The following IGF2BP2 variants were observed in gnomAD, a reference collection of about 807,000 sequenced individuals.
IGF2BP2 encodes the protein insulin like growth factor 2 mRNA binding protein 2.
In IGF2BP2, 17 loss-of-function variants were observed where a neutral mutation model predicts 75.8. That is an observed-to-expected ratio of 0.22 (90% CI 0.15 to 0.34). The LOEUF (loss-of-function observed/expected upper bound fraction) is 0.34. Ranked by LOEUF, IGF2BP2 falls within the 10% of genes least tolerant of loss-of-function variation. The probability of loss-of-function intolerance (pLI) is 1.00; values close to 1 mark genes in which losing one functional copy is unlikely to be tolerated. For missense variants in IGF2BP2, 516 were observed against 772.4 expected (o/e 0.67, Z 3.93); for synonymous variants, 288 against 295.6 (o/e 0.97, Z 0.26).
rs1228337044 is a variant in IGF2BP2 at position 185,665,491 on chromosome 3, A to AAGGAGGAGGAGGAGGAGAAGG, written c.1200+7049_1200+7050insCCTTCTCCTCCTCCTCCTCCT. On this transcript the variant is annotated intron_variant, in intron 10 of 15. Coordinates refer to ENST00000382199, the MANE Select transcript of IGF2BP2 (RefSeq NM_006548.6). The stretch of plus-strand genomic sequence containing the variant: ...GAAGAAGAAGGAGAAGAAGGAGGAG[A>AAGGAGGAGGAGGAGGAGAAGG]AGGAGGAGGAGAAGGAGGAGGAGGA... Among the ~76,000 whole-genome samples the AAGGAGGAGGAGGAGGAGAAGG allele has an allele frequency of 1.4e-3, 52 of 37,720 alleles. 9 individuals are homozygous for AAGGAGGAGGAGGAGGAGAAGG. Among genetic ancestry groups the AAGGAGGAGGAGGAGGAGAAGG allele is most frequent in the African/African-American group, 6.0e-3 (49 of 8,146 alleles). 24.7% of individuals were successfully genotyped at this position (37,720 alleles called of 152,430 possible).
intron 2 of IGF2BP2, among the ~76,000 whole-genome samples, 157 bp downstream of exon 2, chr3:185,822,996 A>C (rs1337493879): frequency 6.6e-6 from 1 of 152,118 alleles, no homozygotes; most frequent in African/African-American, 2.4e-5. Context: ...AAAGTAAAAA[A>C]AAAAAAAGTA....
chr3:185,782,898 G>T (rs1735389382), intron 2 of IGF2BP2, among the ~76,000 whole-genome samples: 1 of 152,186 alleles, frequency 6.6e-6, no homozygotes, highest in Non-Finnish European at 1.5e-5. Flanking sequence ...CCAAAGTCTT[G>T]TGGTGGTTAT....
chr3:185,793,846 T>TATGG (rs1311891594), intron 2 of IGF2BP2, among the ~76,000 whole-genome samples: 1 of 152,078 alleles, frequency 6.6e-6, no homozygotes, highest in East Asian at 1.9e-4. Flanking sequence ...CTAACAGCTC[T>TATGG]ATGGAGTTTT....
At chr3:185,746,693 A>G (rs1381158070) in intron 2 of IGF2BP2, among the ~76,000 whole-genome samples, 3 of 152,250 alleles carry the variant, frequency 2.0e-5, no homozygotes, top group Admixed American at 1.3e-4. Flanking sequence ...CAGGAAACAT[A>G]TATCATATTA....
At chr3:185,765,447 C>T (rs534359790) in intron 2 of IGF2BP2, among the ~76,000 whole-genome samples, 1 of 152,260 alleles carries the variant, frequency 6.6e-6, no homozygotes, top group South Asian at 2.1e-4. Flanking sequence ...AACACACCAC[C>T]TCCCCTCCTT....
chr3:185,658,756 TGCCCTCG>T (rs1715899421), intron 10 of IGF2BP2, among the ~76,000 whole-genome samples: 1 of 152,154 alleles, frequency 6.6e-6, no homozygotes, highest in Admixed American at 6.5e-5. Flanking sequence ...ACTCTTAACC[TGCCCTCG>T]GGTGGAGAGG....
chr3:185,789,586 C>T (rs968148032), intron 2 of IGF2BP2, among the ~76,000 whole-genome samples: 1 of 151,982 alleles, frequency 6.6e-6, no homozygotes, highest in African/African-American at 2.4e-5. Context: ...GGGCACACAG[C>T]TGTGTTTCAA....
intron 2 of IGF2BP2, among the ~76,000 whole-genome samples, chr3:185,800,309 G>A (rs780223521): frequency 3.9e-5 from 6 of 152,050 alleles, no homozygotes; most frequent in Non-Finnish European, 8.8e-5. Context: ...TATAGCATTA[G>A]GAGAAACACC....
At chr3:185,742,087 T>A (rs1479464486) in intron 2 of IGF2BP2, among the ~76,000 whole-genome samples, 3 of 151,706 alleles carry the variant, frequency 2.0e-5, no homozygotes, top group African/African-American at 7.3e-5. Context: ...ATTGGTAAAA[T>A]GTGCATATAT....
chr3:185,686,928 C>G, intron 7 of IGF2BP2, 129 bp downstream of exon 7: 1 of 1,031,154 alleles, frequency 9.7e-7, no homozygotes, highest in Non-Finnish European at 1.4e-6. Context: ...ATTTCTTAAA[C>G]ACAATCCCTC....
chr3:185,702,897 T>C (rs575787998), intron 2 of IGF2BP2, among the ~76,000 whole-genome samples: 1 of 152,342 alleles, frequency 6.6e-6, no homozygotes, highest in East Asian at 1.9e-4. Context: ...TCATTTTAAC[T>C]GGAAGCAGAA....
At chr3:185,822,810 T>C (rs1272111039) in intron 2 of IGF2BP2, among the ~76,000 whole-genome samples, 1 of 151,904 alleles carries the variant, frequency 6.6e-6, no homozygotes, top group Non-Finnish European at 1.5e-5. Flanking sequence ...ACAGGAAGTC[T>C]TGACAAGCAT....
At chr3:185,749,284 T>G (rs1459587578) in intron 2 of IGF2BP2, among the ~76,000 whole-genome samples, 1 of 152,268 alleles carries the variant, frequency 6.6e-6, no homozygotes, top group African/African-American at 2.4e-5. Context: ...AATTGTCTAC[T>G]AGTTTATTTA....
chr3:185,741,300 G>A (rs181748400), intron 2 of IGF2BP2, among the ~76,000 whole-genome samples: 3 of 152,282 alleles, frequency 2.0e-5, no homozygotes, highest in East Asian at 1.9e-4. Flanking sequence ...CCAGCCTACC[G>A]ATAATTTTAT....
intron 2 of IGF2BP2, among the ~76,000 whole-genome samples, chr3:185,751,693 A>G (rs1730988072): frequency 6.7e-6 from 1 of 148,558 alleles, no homozygotes; most frequent in African/African-American, 2.5e-5. Flanking sequence ...GGACAGGCAC[A>G]GTGGTTCACA....
At chr3:185,719,719 A>G (rs1726209567) in intron 2 of IGF2BP2, among the ~76,000 whole-genome samples, 2 of 152,186 alleles carry the variant, frequency 1.3e-5, no homozygotes, top group Admixed American at 1.3e-4. Flanking sequence ...CTGTAATCTC[A>G]GCTTCTTGGA....
At chr3:185,671,261 CA>C (rs2149208089) in intron 10 of IGF2BP2, among the ~76,000 whole-genome samples, 1 of 152,160 alleles carries the variant, frequency 6.6e-6, no homozygotes, top group South Asian at 2.1e-4. Flanking sequence ...AGAAATGACT[CA>C]GGGGGCTGGG....
chr3:185,813,929 C>G (rs2150027795), intron 2 of IGF2BP2: 1 of 152,394 alleles, frequency 6.6e-6, no homozygotes, highest in Admixed American at 6.5e-5. Context: ...GGTGTGAGGC[C>G]TTAGAGAAAG....
At chr3:185,651,368 TTTG>T (rs1489188026) in intron 13 of IGF2BP2, among the ~76,000 whole-genome samples, 3 of 151,960 alleles carry the variant, frequency 2.0e-5, no homozygotes, top group African/African-American at 7.3e-5. Flanking sequence ...GTTACTGTTT[TTTG>T]TTATCTTTTC....
Sources: gnomAD v4.1 joint callset for allele counts (sites outside exome capture counted in the v4.1 genomes callset) on GRCh38, gnomAD v4.1.1 for gene constraint, MANE v1.5 for transcripts, NCBI Gene and HGNC (gene_info 2026-07-23, HGNC 2026-07-21) for gene names.